The following CCDC171 variants were observed in gnomAD, a reference collection of about 807,000 sequenced individuals.
The protein encoded by CCDC171 is coiled-coil domain containing 171, also known as coiled-coil domain-containing protein 171.
A neutral mutation model predicts 168.2 loss-of-function variants in CCDC171; 177 were observed. The observed-to-expected ratio is 1.05, with a 90% CI of 0.93 to 1.19. The LOEUF is 1.19. Ranked by LOEUF, CCDC171 falls within the 50% of genes most tolerant of loss-of-function variation. CCDC171 has a pLI of 0.00. For missense variants in CCDC171, 1,991 were observed against 1,539.0 expected, an observed-to-expected ratio of 1.29 and a Z score of -4.91; for synonymous variants, 687 against 540.8, an observed-to-expected ratio of 1.27 and a Z score of -3.75.
intron 3 of CCDC171, among the ~76,000 whole-genome samples, chr9:15,990,087 G>C (rs1832135897): frequency 6.6e-6 from 1 of 152,080 alleles, no homozygotes; most frequent in Admixed American, 6.5e-5. Flanking sequence ...ACACCACAAA[G>C]ATACTCCTCA....
chr9:15,631,771 G>T (rs1223049405), intron 7 of CCDC171, among the ~76,000 whole-genome samples: 1 of 152,138 alleles, frequency 6.6e-6, no homozygotes, highest in African/African-American at 2.4e-5. Flanking sequence ...AAAATCCTCA[G>T]TAAAATACTG....
chr9:15,930,419 C>A (rs551654411), intron 25 of CCDC171, among the ~76,000 whole-genome samples: 44 of 150,794 alleles, frequency 2.9e-4, no homozygotes, highest in Non-Finnish European at 4.3e-4. Context: ...AAAAAGACAA[C>A]ACAGAATTAT....
At chr9:16,084,538 T>C in the CCDC171 span, among the ~76,000 whole-genome samples, 2 of 152,324 alleles carry the variant, frequency 1.3e-5, no homozygotes, top group African/African-American at 4.8e-5. Context: ...GGCCCAGCAT[T>C]GCCAATTAGA....
the CCDC171 span, among the ~76,000 whole-genome samples, chr9:16,108,467 A>T: frequency 3.3e-5 from 5 of 152,248 alleles, no homozygotes; most frequent in South Asian, 1.0e-3. Flanking sequence ...TTGCAGAATG[A>T]GTGTCCCCAT....
At position 15,819,698 on chromosome 9, in the gene CCDC171, G is replaced by T. The variant is rs1225061414; in HGVS notation, c.3268-27004G>T. Among the ~76,000 whole-genome samples, 7 of 116,984 alleles carry T rather than the reference G, an allele frequency of 6.0e-5. 1 individual carries two copies. The highest frequency in any genetic ancestry group is 2.1e-4 in the East Asian group (1 of 4,686). 76.7% of individuals were successfully genotyped at this position (116,984 alleles called of 152,430 possible). ...CACCCAGATTCATAAAGCAAGTCCT[G>T]AGTGACCTACAAAGAGACTTAGACT... On this transcript the variant is annotated intron_variant, in intron 21 of 25. Coordinates refer to ENST00000380701, the MANE Select transcript of CCDC171 (RefSeq NM_173550.4).
intron 3 of CCDC171, among the ~76,000 whole-genome samples, chr9:16,017,584 T>C (rs1022675400): frequency 1.3e-5 from 2 of 152,212 alleles, no homozygotes; most frequent in Non-Finnish European, 2.9e-5. Context: ...CCTCATCACT[T>C]ACCAAAAAGC....
At position 15,779,094 on chromosome 9, in the gene CCDC171, AAGG is replaced by A; in HGVS notation, c.3028_3030del (p.Glu1010del). ...CAAACGAAGTGTGAATGAAATGAAA[AAGG>A]AGCTTGACAAAGCCCAGGGTCTGCA... On this transcript the variant is annotated inframe_deletion, in exon 20 of 26. Coordinates refer to ENST00000380701, the MANE Select transcript of CCDC171 (RefSeq NM_173550.4). 1 of 1,603,606 alleles carries A rather than the reference AAGG, an allele frequency of 6.2e-7. No homozygotes were observed. The highest frequency in any genetic ancestry group is 8.5e-7 in the Non-Finnish European group (1 of 1,175,568).
At chr9:16,079,762 T>A in the CCDC171 span, among the ~76,000 whole-genome samples, 2 of 152,174 alleles carry the variant, frequency 1.3e-5, no homozygotes, top group African/African-American at 4.8e-5. Flanking sequence ...ACGCATGGAA[T>A]CTCTGTTTAT....
intron 18 of CCDC171, among the ~76,000 whole-genome samples, chr9:15,773,974 G>T (rs974739085): frequency 6.6e-6 from 1 of 151,962 alleles, no homozygotes; most frequent in African/African-American, 2.4e-5. Flanking sequence ...GGCCAGGTGC[G>T]GTGGCTCACG....
At chr9:15,809,029 C>T (rs1388754043) in intron 21 of CCDC171, among the ~76,000 whole-genome samples, 1 of 152,018 alleles carries the variant, frequency 6.6e-6, no homozygotes, top group African/African-American at 2.4e-5. Flanking sequence ...TATATAAGGG[C>T]ACTAATCCCG....
chr9:16,080,886 C>G, the CCDC171 span, among the ~76,000 whole-genome samples: 31 of 152,248 alleles, frequency 2.0e-4, no homozygotes, highest in African/African-American at 7.0e-4. Context: ...GTAGTTACTG[C>G]TTCTGTTTTT....
rs544621053 is a variant in CCDC171 at position 16,018,620 on chromosome 9, C to T, written n.369-1969C>T. Among the ~76,000 whole-genome samples, 22 of 152,254 alleles carry T rather than the reference C, an allele frequency of 1.4e-4. No individual in the cohort carries two copies. In the South Asian group the frequency reaches 2.3e-3, roughly 16 times the overall value. ...TTACCCCTCACTCACCTACTAGGGC[C>T]GCTGTGTTGTATAATTCCAGGGTTC... On this transcript the variant is annotated intron_variant and non_coding_transcript_variant, in intron 3 of 9. Transcript: ENST00000486641.
intron 11 of CCDC171, among the ~76,000 whole-genome samples, chr9:15,696,705 A>G (rs1470236701): frequency 6.6e-6 from 1 of 152,206 alleles, no homozygotes; most frequent in African/African-American, 2.4e-5. Flanking sequence ...AAAAGCTAAG[A>G]ATAATGTGGT....
chr9:15,571,176 T>G (rs1269206829), intron 2 of CCDC171, among the ~76,000 whole-genome samples: 1 of 152,232 alleles, frequency 6.6e-6, no homozygotes, highest in Admixed American at 6.5e-5. Flanking sequence ...TACCTCTAAA[T>G]TCTGTTTGCT....
intron 21 of CCDC171, among the ~76,000 whole-genome samples, chr9:15,827,377 A>G (rs962413678): frequency 1.3e-4 from 20 of 152,076 alleles, no homozygotes; most frequent in Admixed American, 8.5e-4. Flanking sequence ...TGGTTTTACA[A>G]CTTGAGCCTC....
At chr9:15,681,741 C>A (rs2133475756) in intron 10 of CCDC171, among the ~76,000 whole-genome samples, 1 of 151,990 alleles carries the variant, frequency 6.6e-6, no homozygotes, top group South Asian at 2.1e-4. Flanking sequence ...AAATTTTAAG[C>A]CATAAGAAAT....
At chr9:15,615,685 AGTGGGC>A (rs2044027882) in intron 6 of CCDC171, among the ~76,000 whole-genome samples, 1 of 152,068 alleles carries the variant, frequency 6.6e-6, no homozygotes, top group Non-Finnish European at 1.5e-5. Flanking sequence ...TTGGTGGAAT[AGTGGGC>A]ATACTCTTTG....
At chr9:15,715,150 A>G (rs1264495402) in intron 11 of CCDC171, among the ~76,000 whole-genome samples, 1 of 152,192 alleles carries the variant, frequency 6.6e-6, no homozygotes, top group Admixed American at 6.6e-5. Flanking sequence ...CGAAGCAGGG[A>G]CTTCCGTTAC....
intron 21 of CCDC171, among the ~76,000 whole-genome samples, chr9:15,823,250 A>C (rs2059869150): frequency 6.6e-6 from 1 of 152,104 alleles, no homozygotes; most frequent in African/African-American, 2.4e-5. Context: ...GGTGCAGCAC[A>C]CCAACATGGC....
Sources: gnomAD v4.1 joint callset for allele counts (sites outside exome capture counted in the v4.1 genomes callset) on GRCh38, gnomAD v4.1.1 for gene constraint, MANE v1.5 for transcripts, NCBI Gene and HGNC (gene_info 2026-07-23, HGNC 2026-07-21) for gene names.